Variants in TAFA1 observed in about 807,000 individuals in gnomAD.
TAFA1 encodes TAFA chemokine like family member 1.
In TAFA1, 4 loss-of-function variants were observed where a neutral mutation model predicts 18.5. That is an observed-to-expected ratio of 0.22 (90% CI 0.11 to 0.49). The LOEUF is 0.49. Among genes scored for constraint, TAFA1 ranks in the 20% least tolerant of loss-of-function variants. TAFA1 has a pLI of 0.98. For missense variants in TAFA1, 147 were observed against 169.0 expected, an observed-to-expected ratio of 0.87 and a Z score of 0.72; for synonymous variants, 56 against 55.2, an observed-to-expected ratio of 1.01 and a Z score of -0.06.
chr3:68,051,350 G>T (rs2064469350), intron 2 of TAFA1, among the ~76,000 whole-genome samples: 1 of 152,100 alleles, frequency 6.6e-6, no homozygotes, highest in Non-Finnish European at 1.5e-5. Context: ...AATCAGATCT[G>T]GCAGAGATAT....
intron 3 of TAFA1, among the ~76,000 whole-genome samples, chr3:68,453,545 CTCTT>C (rs1057452658): frequency 8.5e-5 from 13 of 152,120 alleles, no homozygotes; most frequent in African/African-American, 3.1e-4. Context: ...AAATACAAAT[CTCTT>C]TGTTCTTAAT....
At chr3:68,115,393 G>A (rs1371169142) in intron 2 of TAFA1, among the ~76,000 whole-genome samples, 1 of 152,060 alleles carries the variant, frequency 6.6e-6, no homozygotes, top group Non-Finnish European at 1.5e-5. Context: ...CATCTGTGAA[G>A]CAAAAAAATG....
intron 2 of TAFA1, among the ~76,000 whole-genome samples, chr3:68,351,762 C>T (rs781739287): frequency 6.6e-6 from 1 of 151,850 alleles, no homozygotes; most frequent in Non-Finnish European, 1.5e-5. Flanking sequence ...GTATCATCTC[C>T]AGGCTGATGA....
At chr3:68,038,434 A>T (rs933316127) in intron 2 of TAFA1, among the ~76,000 whole-genome samples, 4 of 152,184 alleles carry the variant, frequency 2.6e-5, no homozygotes, top group African/African-American at 9.6e-5. Flanking sequence ...TGCTTTGCAG[A>T]ACCTGTCTTC....
chr3:68,133,736 C>T lies in TAFA1; in HGVS notation c.118+126992C>T, dbSNP rs144992835. On this transcript the variant is annotated intron_variant, in intron 2 of 4. Coordinates refer to ENST00000478136, the MANE Select transcript of TAFA1 (RefSeq NM_213609.4). ...TGATTTTGTATCCAAACCCCAAAGG[C>T]AAACAACCAAGCTGCCCTCACTAAC... Among the ~76,000 whole-genome samples, 262 of 152,004 alleles carry T rather than the reference C, an allele frequency of 1.7e-3. 3 individuals are homozygous for T. Among genetic ancestry groups the T allele is most frequent in the African/African-American group, 6.1e-3 (253 of 41,474 alleles).
In TAFA1 at chr3:68,004,555, A is replaced by T. The variant is rs1704325341; in HGVS notation, c.-151A>T. 3 of 149,860 alleles carry T rather than the reference A, an allele frequency of 2.0e-5. No homozygotes were observed. Among genetic ancestry groups the T allele is most frequent in the Admixed American group, 6.6e-5 (1 of 15,098 alleles). 9.3% of individuals were successfully genotyped at this position (149,860 alleles called of 1,614,324 possible). On this transcript the variant is annotated 5_prime_UTR_variant, in exon 1 of 5. Transcript: ENST00000478136. ...GGAAATAGGATCGGAAGAGAGTAAC[A>T]TTTTTTTTTTTTTAATCCTGATAAA...
chr3:68,217,951 G>T (rs1362662868), intron 2 of TAFA1, among the ~76,000 whole-genome samples: 1 of 151,954 alleles, frequency 6.6e-6, no homozygotes, highest in Non-Finnish European at 1.5e-5. Context: ...TACCTTTAAA[G>T]GTTTAGAGGA....
chr3:68,102,821 G>A (rs2065163444), intron 2 of TAFA1, among the ~76,000 whole-genome samples: 1 of 152,122 alleles, frequency 6.6e-6, no homozygotes, highest in African/African-American at 2.4e-5. Flanking sequence ...CAAGGTCTTG[G>A]GCTTAAGGGT....
At chr3:68,259,829 G>A (rs2067376714) in intron 2 of TAFA1, among the ~76,000 whole-genome samples, 1 of 152,070 alleles carries the variant, frequency 6.6e-6, no homozygotes, top group Non-Finnish European at 1.5e-5. Context: ...AGCTTAAGGA[G>A]ATTTTGGGCT....
chr3:68,226,102 G>A (rs1236807873), intron 2 of TAFA1, among the ~76,000 whole-genome samples: 3 of 152,188 alleles, frequency 2.0e-5, no homozygotes, highest in African/African-American at 7.2e-5. Flanking sequence ...AAGACCGACT[G>A]ATTGATGGAA....
At chr3:68,069,608 C>T (rs373374103) in intron 2 of TAFA1, among the ~76,000 whole-genome samples, 336 of 152,254 alleles carry the variant, frequency 2.2e-3, no homozygotes, top group African/African-American at 7.5e-3. Flanking sequence ...TAACTTATTT[C>T]GGCATTAACT....
At chr3:68,097,969 C>T (rs533820859) in intron 2 of TAFA1, among the ~76,000 whole-genome samples, 1 of 152,200 alleles carries the variant, frequency 6.6e-6, no homozygotes, top group African/African-American at 2.4e-5. Context: ...AAAGTGTTGA[C>T]AGGTTATTCC....
intron 2 of TAFA1, among the ~76,000 whole-genome samples, chr3:68,082,618 C>T (rs1327866567): frequency 1.3e-5 from 2 of 152,112 alleles, no homozygotes; most frequent in South Asian, 4.1e-4. Context: ...AAGTTAGTAC[C>T]AAAGCAATTG....
At chr3:68,050,903 T>G (rs1190452241) in intron 2 of TAFA1, among the ~76,000 whole-genome samples, 2 of 152,186 alleles carry the variant, frequency 1.3e-5, no homozygotes, top group Non-Finnish European at 2.9e-5. Context: ...GGGCTGGATT[T>G]GACCCACCAG....
intron 2 of TAFA1, among the ~76,000 whole-genome samples, chr3:68,214,455 G>A (rs982229893): frequency 2.0e-5 from 3 of 151,902 alleles, no homozygotes; most frequent in African/African-American, 7.2e-5. Context: ...ACAAAATTTG[G>A]TGTGATTAAG....
intron 2 of TAFA1, among the ~76,000 whole-genome samples, chr3:68,154,866 G>A (rs1186358417): frequency 6.6e-6 from 1 of 152,162 alleles, no homozygotes; most frequent in Non-Finnish European, 1.5e-5. Context: ...TGGAGGAAGA[G>A]AGCATAGAAA....
intron 2 of TAFA1, among the ~76,000 whole-genome samples, chr3:68,407,219 G>C (rs1226784209): frequency 6.6e-6 from 1 of 152,082 alleles, no homozygotes; most frequent in African/African-American, 2.4e-5. Flanking sequence ...AATTTCAATA[G>C]TATTAGGAAT....
chr3:68,145,542 T>A, intron 2 of TAFA1: 1 of 1,272,434 alleles, frequency 7.9e-7, no homozygotes, highest in Non-Finnish European at 1.1e-6. Flanking sequence ...AACAAGTTTA[T>A]TCCCTTATCA....
chr3:68,261,243 A>G (rs1368605079), intron 2 of TAFA1, among the ~76,000 whole-genome samples: 2 of 152,228 alleles, frequency 1.3e-5, no homozygotes, highest in African/African-American at 2.4e-5. Context: ...TAGAATGGCA[A>G]TCATTAAAAA....
Sources: allele counts gnomAD v4.1 joint callset (sites outside exome capture counted in the v4.1 genomes callset), GRCh38; gene constraint gnomAD v4.1.1; transcripts MANE v1.5; gene names NCBI Gene and HGNC (gene_info 2026-07-23, HGNC 2026-07-21).